Variants in RNLS observed in about 807,000 individuals in gnomAD.
RNLS encodes the protein renalase, FAD dependent amine oxidase.
RNLS carries 39 observed loss-of-function variants against 39.8 expected under a neutral mutation model. The ratio of observed to expected loss-of-function variants is 0.98; its 90% confidence interval spans 0.76 to 1.28. The LOEUF (loss-of-function observed/expected upper bound fraction) is 1.28, where lower values mean the gene tolerates loss of function less well. RNLS is among the 50% of genes most tolerant of loss of function. The pLI is 0.00. For missense variants in RNLS, 410 were observed against 413.3 expected (o/e 0.99, Z 0.07); for synonymous variants, 147 against 150.7 (o/e 0.98, Z 0.18).
the RNLS span, among the ~76,000 whole-genome samples, chr10:88,178,461 G>A: frequency 5.3e-5 from 8 of 152,248 alleles, no homozygotes; most frequent in Middle Eastern, 6.8e-3. Flanking sequence ...GGACTCTCCT[G>A]TAGTTATGAT....
intron 4 of RNLS, among the ~76,000 whole-genome samples, chr10:88,519,190 T>C (rs1012147251): frequency 1.3e-5 from 2 of 152,002 alleles, no homozygotes; most frequent in Non-Finnish European, 2.9e-5. Flanking sequence ...ACTGCTATTC[T>C]TTTCTAAGCC....
At chr10:88,189,772 T>C in the RNLS span, among the ~76,000 whole-genome samples, 2 of 152,220 alleles carry the variant, frequency 1.3e-5, no homozygotes, top group Non-Finnish European at 2.9e-5. Flanking sequence ...TATCTCTTAA[T>C]GAATCTTTGA....
chr10:88,213,048 A>C, the RNLS span, among the ~76,000 whole-genome samples: 1 of 152,176 alleles, frequency 6.6e-6, no homozygotes, highest in Non-Finnish European at 1.5e-5. Flanking sequence ...CTCTCAGCCC[A>C]CCATCGCCCT....
chr10:88,406,610 T>A (rs945147701), intron 4 of RNLS, among the ~76,000 whole-genome samples: 1 of 152,048 alleles, frequency 6.6e-6, no homozygotes, highest in African/African-American at 2.4e-5. Context: ...CTGGAGGGAA[T>A]GTAAACTAGT....
At chr10:88,294,280 G>C (rs1446386631) in intron 6 of RNLS, among the ~76,000 whole-genome samples, 1 of 152,160 alleles carries the variant, frequency 6.6e-6, no homozygotes, top group Middle Eastern at 3.2e-3. Context: ...TTATTCTGAT[G>C]TCAATGGAAA....
chr10:88,527,261 A>ACC (rs1847161609), intron 4 of RNLS, among the ~76,000 whole-genome samples: 4 of 152,176 alleles, frequency 2.6e-5, no homozygotes, highest in African/African-American at 9.7e-5. Context: ...CCCCATCCCC[A>ACC]GGCAGAACAC....
At chr10:88,235,910 T>A in the RNLS span, among the ~76,000 whole-genome samples, 1 of 151,844 alleles carries the variant, frequency 6.6e-6, no homozygotes. Flanking sequence ...CTGCTTACTC[T>A]AGCCTCAAGC....
chr10:88,391,179 T>A (rs1422651480), intron 4 of RNLS, among the ~76,000 whole-genome samples: 1 of 152,230 alleles, frequency 6.6e-6, no homozygotes, highest in Non-Finnish European at 1.5e-5. Context: ...CCAGTGTAGT[T>A]GTCCCCAAGC....
intron 5 of RNLS, among the ~76,000 whole-genome samples, chr10:88,337,253 CT>C (rs1239672326): frequency 6.6e-6 from 1 of 152,172 alleles, no homozygotes; most frequent in Non-Finnish European, 1.5e-5. Context: ...GTGTAGCTAA[CT>C]AACTACTGAC....
intron 6 of RNLS, 59 bp from the exon 7 acceptor site, chr10:88,285,565 C>T: frequency 7.1e-7 from 1 of 1,417,182 alleles, no homozygotes; most frequent in Non-Finnish European, 9.9e-7. Context: ...GCTGTCATGG[C>T]AACACCCACC....
chr10:88,581,609 G>A lies in RNLS; in HGVS notation c.325C>T (p.Gln109Ter), dbSNP rs1222859238. Reference sequence around the variant, plus strand: ...TGCTTAATAATTGAAGAAATTCCTTGAGGTGCCACAAAGTTACAGTCTCCT... The same window carrying A: ...TGCTTAATAATTGAAGAAATTCCTTAAGGTGCCACAAAGTTACAGTCTCCT... ...KEGDCNFVAP[Q>*]GISSIIKHYL... Residue 109 changes from glutamine (Q) to a stop codon, truncating the protein, a stop_gained, in exon 3 of 7, where the codon CAA (glutamine) becomes TAA (stop). Transcript: ENST00000331772. LOFTEE classifies it high-confidence loss of function. 5 of 1,606,910 alleles carry A rather than the reference G, an allele frequency of 3.1e-6. No homozygotes were observed. Among genetic ancestry groups the A allele is most frequent in the African/African-American group, 2.7e-5 (2 of 74,516 alleles).
the RNLS span, among the ~76,000 whole-genome samples, chr10:88,266,738 C>CCCA: frequency 2.7e-5 from 4 of 147,402 alleles, no homozygotes; most frequent in South Asian, 2.2e-4. Context: ...CACACACACC[C>CCCA]CACACACACC....
chr10:88,282,245 TGTACCCCCAACTAATATTTCAGTTCA>T (rs984727759), downstream of RNLS, among the ~76,000 whole-genome samples: 3 of 152,136 alleles, frequency 2.0e-5, no homozygotes, highest in Non-Finnish European at 4.4e-5. Flanking sequence ...TGATGCGGAC[TGTACCCCCAACTAATATTTCAGTTCA>T]GTTTTAATTA....
the RNLS span, among the ~76,000 whole-genome samples, chr10:88,266,773 A>T: frequency 8.2e-6 from 1 of 122,292 alleles, no homozygotes; most frequent in Non-Finnish European, 1.7e-5. Context: ...ACTTCTACTT[A>T]AAAAAAAAAG....
intron 4 of RNLS, among the ~76,000 whole-genome samples, chr10:88,411,665 C>T (rs890951583): frequency 1.3e-5 from 2 of 152,084 alleles, no homozygotes; most frequent in African/African-American, 2.4e-5. Flanking sequence ...CATACAGTCC[C>T]TCATGGAGAA....
At chr10:88,235,573 G>A in the RNLS span, among the ~76,000 whole-genome samples, 113 of 152,126 alleles carry the variant, frequency 7.4e-4, 1 homozygote, top group Non-Finnish European at 1.3e-3. Context: ...TAAGAATGTG[G>A]TCAAGTCAAT....
At chr10:88,276,895 A>G (rs1842831272) in intron 6 of RNLS, among the ~76,000 whole-genome samples, 1 of 152,218 alleles carries the variant, frequency 6.6e-6, no homozygotes, top group Non-Finnish European at 1.5e-5. Flanking sequence ...GACATGGTAT[A>G]TCCTCCCTTG....
rs1376395535 is a variant in RNLS, at chr10:88,581,294, G to GTGTATATATATATA, written c.367+272_367+273insTATATATATATACA. ...AATATATATGTATGTGTGTGTGTGT[G>GTGTATATATATATA]TATATATATATATATATATATACAT... On this transcript the variant is annotated intron_variant, in intron 3 of 6. Transcript: ENST00000331772. 5.1e-4 allele frequency among the ~76,000 whole-genome samples: 66 copies of GTGTATATATATATA among 129,854 alleles called. 1 individual carries two copies. The highest frequency in any genetic ancestry group is 1.6e-3 in the African/African-American group (55 of 33,626). 85.2% of individuals were successfully genotyped at this position (129,854 alleles called of 152,430 possible). A position where few individuals can be genotyped will look rare whatever the true frequency, so the allele number is the denominator to read the frequency against.
At chr10:88,488,500 T>TG (rs2134052949) in intron 4 of RNLS, among the ~76,000 whole-genome samples, 1 of 143,322 alleles carries the variant, frequency 7.0e-6, no homozygotes, top group East Asian at 2.0e-4. Flanking sequence ...GAGCTGACAT[T>TG]GCGCCATTGC....
Sources: gnomAD v4.1 joint callset for allele counts (sites outside exome capture counted in the v4.1 genomes callset) on GRCh38, gnomAD v4.1.1 for gene constraint, MANE v1.5 for transcripts, NCBI Gene and HGNC (gene_info 2026-07-23, HGNC 2026-07-21) for gene names.